HAVCR1: variants seen among roughly 807,000 people sequenced by gnomAD.
HAVCR1 encodes the protein hepatitis A virus cellular receptor 1, also known as T cell immunoglobin domain and mucin domain protein 1.
Under a neutral mutation model 32.0 loss-of-function variants are expected in HAVCR1, and 34 were observed. That is an observed-to-expected ratio of 1.06 (90% CI 0.81 to 1.42). The LOEUF (loss-of-function observed/expected upper bound fraction) is 1.42, where lower values mean the gene tolerates loss of function less well. Among genes scored for constraint, HAVCR1 ranks in the 40% most tolerant of loss-of-function variants. HAVCR1 has a pLI of 0.00. For synonymous variants in HAVCR1, 178 were observed against 170.3 expected (o/e 1.05, Z -0.35); for missense variants, 420 against 442.3 (o/e 0.95, Z 0.45).
At chr5:157,029,887 A>T (rs1256561054) in intron 8 of HAVCR1, 46 bp from the exon 9 acceptor site, 1 of 1,548,954 alleles carries the variant, frequency 6.5e-7, no homozygotes, top group Non-Finnish European at 8.8e-7. Flanking sequence ...GAAAAAAAGC[A>T]GACCACTTCT....
chr5:157,057,930 A>G lies in HAVCR1; in HGVS notation c.14T>C (p.Val5Ala), dbSNP rs1756318555. MHPQVVILSLILHLA... is the reference protein window; with the variant it reads MHPQAVILSLILHLA... ...ATGTAGGATGAGGCTTAAGATGACC[A>G]CTTGAGGATGCATTATGGGATCAGC... The change falls in exon 2 of 9, where the codon GTG becomes GCG. Residue 5 changes from valine (V) to alanine (A), a missense_variant. Physicochemically the swap from Val to Ala is moderately conservative, Grantham distance 64. Transcript: ENST00000523175. The G allele has an allele frequency of 6.2e-7, 1 of 1,613,506 alleles. No individual in the cohort carries two copies. The highest frequency in any genetic ancestry group is 2.2e-5 in the East Asian group (1 of 44,856).
At chr5:157,063,451 AT>A (rs1335823762), upstream of HAVCR1, among the ~76,000 whole-genome samples, 1 of 151,908 alleles carries the variant, frequency 6.6e-6, no homozygotes, top group Non-Finnish European at 1.5e-5. Context: ...ACACCGGCTA[AT>A]TTTTGTAATT....
At chr5:157,034,209 G>T (rs960119602) in intron 7 of HAVCR1, among the ~76,000 whole-genome samples, 1 of 152,102 alleles carries the variant, frequency 6.6e-6, no homozygotes, top group Non-Finnish European at 1.5e-5. Flanking sequence ...TCTCAGTGAG[G>T]GGGATGTGGC....
At position 157,032,863 on chromosome 5, in the gene HAVCR1, TG is replaced by T; in HGVS notation, c.976del (p.Gln326AsnfsTer3). The T allele has an allele frequency of 6.3e-7, 1 of 1,576,560 alleles. No homozygotes were observed. The highest frequency in any genetic ancestry group is 8.7e-7 in the Non-Finnish European group (1 of 1,150,174). On this transcript the variant is annotated frameshift_variant, in exon 8 of 9. Transcript: ENST00000523175. LOFTEE classifies it low-confidence loss of function (END_TRUNC). ...ATATTTTCGAGCTTACCTTAGTTGT[TG>T]AACCTCCTTTTTGAAGAAATACTCT... ...AKKYFFKKEV[Q>X]QLSVSFSSLQ... is the part of the protein sequence containing the mutation.
At chr5:157,039,808 A>T (rs1396069979) in intron 6 of HAVCR1, among the ~76,000 whole-genome samples, 1 of 152,160 alleles carries the variant, frequency 6.6e-6, no homozygotes, top group Non-Finnish European at 1.5e-5. Context: ...TTTCCTTAAG[A>T]TAGAGCCCAG....
rs1554093003 is a variant in HAVCR1 at position 157,057,409 on chromosome 5, A to AAGAAAGAG, written c.46+488_46+489insCTCTTTCT. The stretch of plus-strand genomic sequence containing the variant: ...GAGGAAAGAAAGAAAGAAAGAAAGA[A>AAGAAAGAG]AGAAAGAAAGAAAGAAAGAAAGAAA... On this transcript the variant is annotated intron_variant, in intron 2 of 8. Transcript: ENST00000523175. Among the ~76,000 whole-genome samples, 278 of 121,042 alleles carry AAGAAAGAG rather than the reference A, an allele frequency of 2.3e-3. 2 individuals are homozygous for AAGAAAGAG. The highest frequency in any genetic ancestry group is 7.5e-3 in the African/African-American group (259 of 34,310). The allele number at this position is 121,042 out of a possible 152,430, so 79.4% of individuals were successfully genotyped here. A position where few individuals can be genotyped will look rare whatever the true frequency, so the allele number is the denominator to read the frequency against.
intron 5 of HAVCR1, among the ~76,000 whole-genome samples, chr5:157,048,686 C>G (rs978737398): frequency 6.6e-6 from 1 of 152,002 alleles, no homozygotes; most frequent in Non-Finnish European, 1.5e-5. Flanking sequence ...AAAAATTAGC[C>G]GGGCGTGGTG....
intron 6 of HAVCR1, among the ~76,000 whole-genome samples, chr5:157,039,059 G>T (rs1193044006): frequency 6.6e-6 from 1 of 152,162 alleles, no homozygotes. Context: ...GGATGAGTCT[G>T]CAGTGAGCTG....
rs1561591565 is a variant in HAVCR1, at chr5:157,044,663, A to AAGAAAGAAAGAAAGAAAG, written c.782-1982_782-1981insCTTTCTTTCTTTCTTTCT. On this transcript the variant is annotated intron_variant, in intron 5 of 8. Coordinates refer to ENST00000523175, the MANE Select transcript of HAVCR1 (RefSeq NM_001173393.3). ...AAAGAAAGAAAGAAAGAAAGAAAGAAAGAAAGAAAGAAAGGAGGGAGGGAG... is the reference window on the plus strand; with the variant it reads ...AAAGAAAGAAAGAAAGAAAGAAAGAAAGAAAGAAAGAAAGAAAGAGAAAGAAAGAAAGGAGGGAGGGAG... Among the ~76,000 whole-genome samples, 32 of 141,676 alleles carry AAGAAAGAAAGAAAGAAAG rather than the reference A, an allele frequency of 2.3e-4. 1 individual carries two copies. Among genetic ancestry groups the AAGAAAGAAAGAAAGAAAG allele is most frequent in the African/African-American group, 8.5e-4 (31 of 36,376 alleles). 92.9% of individuals were successfully genotyped at this position (141,676 alleles called of 152,430 possible). A position where few individuals can be genotyped will look rare whatever the true frequency, so the allele number is the denominator to read the frequency against.
At chr5:157,042,562 G>A in intron 6 of HAVCR1, 65 bp downstream of exon 6, 1 of 954,848 alleles carries the variant, frequency 1.0e-6, no homozygotes, top group Non-Finnish European at 1.6e-6. Flanking sequence ...GTCTTTAAAT[G>A]TAACTTGCTT....
At chr5:157,037,079 T>C (rs1754580210) in intron 7 of HAVCR1, 168 bp downstream of exon 7, 1 of 618,428 alleles carries the variant, frequency 1.6e-6, no homozygotes. Context: ...TTCATTTCCC[T>C]TCCCCCTTGA....
At chr5:157,067,073 C>T in the HAVCR1 span, among the ~76,000 whole-genome samples, 1 of 152,132 alleles carries the variant, frequency 6.6e-6, no homozygotes, top group Non-Finnish European at 1.5e-5. Flanking sequence ...TTGAAGAGAG[C>T]TTTAGGAGAG....
chr5:157,040,831 T>C (rs550684271), intron 6 of HAVCR1, among the ~76,000 whole-genome samples: 28 of 152,076 alleles, frequency 1.8e-4, no homozygotes, highest in Admixed American at 1.8e-3. Flanking sequence ...ACCCGGAAGG[T>C]GGAGGTTGCA....
chr5:157,069,012 AC>A, the HAVCR1 span, among the ~76,000 whole-genome samples: 2 of 152,236 alleles, frequency 1.3e-5, no homozygotes, highest in Non-Finnish European at 2.9e-5. Flanking sequence ...GGAGAAGCTC[AC>A]CAAAAGTATG....
chr5:157,050,714 G>A (rs1393208), intron 4 of HAVCR1, among the ~76,000 whole-genome samples: 132,227 of 152,190 alleles, frequency 0.87, 57,522 homozygotes, highest in East Asian at 0.99. Context: ...CTAAGTATTA[G>A]AAAGTGAAAT....
Position 157,048,753 on chromosome 5 carries a change from C to T in HAVCR1, c.781+285G>A, listed in dbSNP as rs563136076. Among the ~76,000 whole-genome samples, 4 of 152,170 alleles carry T rather than the reference C, an allele frequency of 2.6e-5. No homozygotes were observed. In the South Asian group the frequency reaches 8.3e-4, roughly 32 times the overall value. On this transcript the variant is annotated intron_variant, in intron 5 of 8. Coordinates refer to ENST00000523175, the MANE Select transcript of HAVCR1 (RefSeq NM_001173393.3). Reference sequence around the variant, plus strand: ...GCTGAGGCAGGAGAATGGCGTGAACCTGGGAGGCGGAGCTTGCAGTGAGCC... The same window carrying T: ...GCTGAGGCAGGAGAATGGCGTGAACTTGGGAGGCGGAGCTTGCAGTGAGCC...
At position 157,055,530 on chromosome 5, in the gene HAVCR1, G is replaced by A. The variant is rs1756077765; in HGVS notation, c.50C>T (p.Ser17Phe). The part of the protein sequence containing the change: ...ILSLILHLAD[S>F]VAGSVKVGGE... Reference sequence around the variant, plus strand: ...ACCAACCTTTACAGAACCAGCTACAGAATCTGCAAAGAAGAAAAGACAAAC... The same window carrying A: ...ACCAACCTTTACAGAACCAGCTACAAAATCTGCAAAGAAGAAAAGACAAAC... The change falls in exon 3 of 9, where the codon TCT becomes TTT. Residue 17 changes from serine to phenylalanine, a missense_variant. By Grantham distance (155) the Ser-to-Phe change is radical (BLOSUM62 -2). Transcript: ENST00000523175. 3.9e-6 allele frequency: 6 copies of A among 1,551,010 alleles called. No homozygotes were observed. Among genetic ancestry groups the A allele is most frequent in the Non-Finnish European group, 5.2e-6 (6 of 1,143,484 alleles).
At chr5:157,064,526 G>T in the HAVCR1 span, among the ~76,000 whole-genome samples, 185 of 152,134 alleles carry the variant, frequency 1.2e-3, no homozygotes, top group Non-Finnish European at 2.1e-3. Context: ...CAAGGATTTC[G>T]GCCTGAGCCA....
At chr5:157,037,628 C>T (rs1407837489) in intron 6 of HAVCR1, among the ~76,000 whole-genome samples, 4 of 152,142 alleles carry the variant, frequency 2.6e-5, no homozygotes, top group Non-Finnish European at 5.9e-5. Context: ...TTTGTCAAAA[C>T]TAAAACTGTA....
Sources: gnomAD v4.1 joint callset for allele counts (sites outside exome capture counted in the v4.1 genomes callset) on GRCh38, gnomAD v4.1.1 for gene constraint, MANE v1.5 for transcripts, NCBI Gene and HGNC (gene_info 2026-07-23, HGNC 2026-07-21) for gene names.